Variants in ITGAE observed in about 807,000 individuals in gnomAD.
ITGAE encodes the protein integrin alpha-E.
A neutral mutation model predicts 136.5 loss-of-function variants in ITGAE; 99 were observed. That is an observed-to-expected ratio of 0.73 (90% CI 0.62 to 0.86). ITGAE has a LOEUF of 0.86. Among genes scored for constraint, ITGAE ranks in the 40% least tolerant of loss-of-function variants. ITGAE has a pLI of 0.00. For synonymous variants in ITGAE, 613 were observed against 591.8 expected (o/e 1.04, Z -0.52); for missense variants, 1,447 against 1,515.3 (o/e 0.95, Z 0.75).
intron 1 of ITGAE, among the ~76,000 whole-genome samples, chr17:3,782,984 G>A (rs1051615782): frequency 2.6e-5 from 4 of 152,138 alleles, no homozygotes; most frequent in African/African-American, 9.7e-5. Context: ...CCATATGCCT[G>A]CTTTTGCTGA....
intron 26 of ITGAE, chr17:3,723,952 C>A: frequency 1.3e-6 from 2 of 1,562,438 alleles, no homozygotes; most frequent in South Asian, 2.3e-5. Context: ...GCTTCGCTCC[C>A]GGGACCTGGG....
intron 17 of ITGAE, 127 bp from the exon 18 acceptor site, chr17:3,746,054 C>CATGG: frequency 2.5e-6 from 2 of 796,732 alleles, no homozygotes; most frequent in East Asian, 2.7e-5. Context: ...TACTTCCCTG[C>CATGG]GGCTGGACTC....
intron 26 of ITGAE, among the ~76,000 whole-genome samples, chr17:3,727,584 A>T (rs1009729240): frequency 3.9e-5 from 6 of 151,946 alleles, no homozygotes; most frequent in Non-Finnish European, 5.9e-5. Context: ...TATTTTTAGT[A>T]GAGACGGGGT....
Position 3,726,850 on chromosome 17 carries a change from C to T in ITGAE, c.3084+1069G>A, listed in dbSNP as rs1427576619. Among the ~76,000 whole-genome samples the T allele has an allele frequency of 2.0e-5, 3 of 151,736 alleles. No homozygotes were observed. The East Asian group carries it at 5.8e-4, about 30-fold the overall frequency. ...AAGCAATTCTCCTACCTCAGCCTCC[C>T]GAGTAGCTGGGATTGCAGGCATACA... On this transcript the variant is annotated intron_variant, in intron 26 of 30. Transcript: ENST00000263087.
chr17:3,716,883 CGA>C (rs1272695829), intron 29 of ITGAE, 85 bp from the exon 30 acceptor site: 1 of 768,230 alleles, frequency 1.3e-6, no homozygotes, highest in Non-Finnish European at 2.2e-6. Context: ...GAGCAAAATA[CGA>C]GGACTTGGCA....
At chr17:3,732,590 G>A (rs968508520) in intron 21 of ITGAE, 124 bp from the exon 22 acceptor site, 7 of 762,204 alleles carry the variant, frequency 9.2e-6, no homozygotes, top group Admixed American at 8.8e-5. Flanking sequence ...CCTGCCAGGA[G>A]CTAAAGAAAT....
chr17:3,753,448 C>T lies in ITGAE; in HGVS notation c.1528-18G>A, dbSNP rs1333720253. 6.2e-7 allele frequency: 1 copy of T among 1,609,934 alleles called. No homozygotes were observed. The highest frequency in any genetic ancestry group is 1.3e-5 in the African/African-American group (1 of 74,842). ...GACCCCATCTACAGCCCGGGAGGAA[C>T]TCAGCTCACCAGGAGCCCCGCTCCT... On this transcript the variant is annotated intron_variant, in intron 13 of 30. Coordinates refer to ENST00000263087, the MANE Select transcript of ITGAE (RefSeq NM_002208.5).
chr17:3,792,687 G>A (rs17175691), intron 1 of ITGAE, among the ~76,000 whole-genome samples: 18,593 of 152,222 alleles, frequency 0.12, 1,524 homozygotes, highest in South Asian at 0.18. Context: ...CTGGCTCACA[G>A]AAGTGTTCCT....
intron 19 of ITGAE, among the ~76,000 whole-genome samples, chr17:3,741,415 A>T (rs2051586930): frequency 6.6e-6 from 1 of 151,954 alleles, no homozygotes; most frequent in African/African-American, 2.4e-5. Flanking sequence ...ATAGCCACAT[A>T]GCCTGATCTC....
chr17:3,746,791 C>A (rs1416680046), intron 17 of ITGAE, among the ~76,000 whole-genome samples: 1 of 152,138 alleles, frequency 6.6e-6, no homozygotes, highest in African/African-American at 2.4e-5. Flanking sequence ...CGGGGTTTCA[C>A]CGTGTTAGCC....
chr17:3,731,284 G>T (rs1597309257), intron 22 of ITGAE, 101 bp from the exon 23 acceptor site: 2 of 772,192 alleles, frequency 2.6e-6, no homozygotes, highest in East Asian at 2.7e-5. Context: ...CGATTCCTCA[G>T]ATTTTCACAT....
Position 3,801,158 on chromosome 17 carries a change from G to C in ITGAE, c.-14C>G. On this transcript the variant is annotated 5_prime_UTR_variant, in exon 1 of 31. Transcript: ENST00000263087. ...GAAGAGCCACATCCTTGCTGGAGCA[G>C]AGGCGGCTGTGTGGGAGCCGAGGCG... The C allele has an allele frequency of 1.2e-6, 2 of 1,610,286 alleles. No individual in the cohort carries two copies. Among genetic ancestry groups the C allele is most frequent in the Non-Finnish European group, 1.7e-6 (2 of 1,179,980 alleles).
chr17:3,753,644 C>G (rs1318744697), intron 13 of ITGAE, 139 bp downstream of exon 13: 1 of 1,194,586 alleles, frequency 8.4e-7, no homozygotes, highest in East Asian at 2.6e-5. Context: ...AAGCAGAGCC[C>G]TCGAGCTCCA....
intron 12 of ITGAE, among the ~76,000 whole-genome samples, chr17:3,754,885 C>A (rs1243109908): frequency 6.6e-6 from 1 of 150,508 alleles, no homozygotes; most frequent in African/African-American, 2.4e-5. Context: ...AGGCCCCACC[C>A]TCGCCCACGT....
chr17:3,723,909 G>C (rs1157945703), intron 26 of ITGAE, 165 bp from the exon 27 acceptor site: 1 of 1,539,676 alleles, frequency 6.5e-7, no homozygotes, highest in Non-Finnish European at 8.7e-7. Context: ...CGATGTTTGC[G>C]TTTGAACCTC....
At chr17:3,786,035 C>T (rs60779679) in intron 1 of ITGAE, among the ~76,000 whole-genome samples, 15,464 of 151,538 alleles carry the variant, frequency 0.1, 2,530 homozygotes, top group African/African-American at 0.35. Context: ...GGCGTGGTGG[C>T]GGGCGCCTGT....
chr17:3,730,452 A>AG, intron 23 of ITGAE: 1 of 151,548 alleles, frequency 6.6e-6, no homozygotes, highest in African/African-American at 2.4e-5. Context: ...ACTCTGTCTC[A>AG]AAAAATAAAT....
chr17:3,784,088 G>A (rs1423580531), intron 1 of ITGAE, among the ~76,000 whole-genome samples: 15 of 151,940 alleles, frequency 9.9e-5, no homozygotes, highest in East Asian at 5.8e-4. Context: ...GTGAAACCCC[G>A]TCTCTACTAA....
chr17:3,734,849 G>A lies in ITGAE; in HGVS notation c.2623C>T (p.Pro875Ser). 1 of 1,614,156 alleles carries A rather than the reference G, an allele frequency of 6.2e-7. No individual in the cohort carries two copies. The highest frequency in any genetic ancestry group is 8.5e-7 in the Non-Finnish European group (1 of 1,180,014). Residue 875 changes from proline to serine, a missense_variant, in exon 21 of 31, where the codon CCC becomes TCC. By Grantham distance (74) the Pro-to-Ser change is moderately conservative (BLOSUM62 -1). This residue lies in a region of ITGAE where 1,031 missense variants were observed against 1,011.4 expected (regional missense o/e 1.02). Transcript: ENST00000263087. ...ATCCTCTTCAACTGCAGGTTTCTGG[G>A]GTAATTCAAGGCCATGCTTGTCATG... Reference protein sequence around the residue: ...SYMTSMALNYPRNLQLKRMQK... With the variant: ...SYMTSMALNYSRNLQLKRMQK...
Sources: allele counts gnomAD v4.1 joint callset (sites outside exome capture counted in the v4.1 genomes callset), GRCh38; gene constraint gnomAD v4.1.1; regional missense constraint gnomAD v4.1.1; transcripts MANE v1.5; gene names NCBI Gene and HGNC (gene_info 2026-07-23, HGNC 2026-07-21).